TPRG1: variants seen among roughly 807,000 people sequenced by gnomAD.
The protein encoded by TPRG1 is tumor protein p63 regulated 1.
A neutral mutation model predicts 29.3 loss-of-function variants in TPRG1; 29 were observed. That is an observed-to-expected ratio of 0.99 (90% CI 0.74 to 1.35). The LOEUF (loss-of-function observed/expected upper bound fraction) is 1.35. Ranked by LOEUF, TPRG1 falls within the 40% of genes most tolerant of loss-of-function variation. The probability of loss-of-function intolerance (pLI) is 0.00; values close to 1 mark genes in which losing one functional copy is unlikely to be tolerated. For synonymous variants in TPRG1, 130 were observed against 116.8 expected (o/e 1.11, Z -0.73); for missense variants, 327 against 335.0 (o/e 0.98, Z 0.19).
chr3:189,133,638 C>T (rs781015132), intron 3 of TPRG1, among the ~76,000 whole-genome samples: 6 of 152,172 alleles, frequency 3.9e-5, no homozygotes, highest in Non-Finnish European at 8.8e-5. Context: ...CCTCTTCAGC[C>T]TTGTGGAACT....
chr3:189,030,398 A>G (rs377587224), intron 4 of TPRG1, among the ~76,000 whole-genome samples: 1 of 152,220 alleles, frequency 6.6e-6, no homozygotes, highest in African/African-American at 2.4e-5. Context: ...CCTTTCTCCA[A>G]TAAGTTTTAA....
intron 4 of TPRG1, among the ~76,000 whole-genome samples, chr3:189,049,696 A>T (rs1019043014): frequency 6.6e-6 from 1 of 152,200 alleles, no homozygotes; most frequent in African/African-American, 2.4e-5. Context: ...TAACCAGCAC[A>T]AAAATAGAGC....
At chr3:189,270,295 G>A (rs1431634837) in intron 4 of TPRG1, among the ~76,000 whole-genome samples, 1 of 152,094 alleles carries the variant, frequency 6.6e-6, no homozygotes, top group Admixed American at 6.5e-5. Flanking sequence ...TCTCATCCCG[G>A]CATTGAACTC....
At chr3:189,193,132 A>ATTTTTTTTTTT (rs555964454) in intron 1 of TPRG1, among the ~76,000 whole-genome samples, 54 of 90,236 alleles carry the variant, frequency 6.0e-4, no homozygotes, top group Non-Finnish European at 7.5e-4. Context: ...TTGACTTTTA[A>ATTTTTTTTTTT]TTTTTTTTTT....
chr3:189,162,904 C>T (rs7644865), intron 5 of TPRG1, among the ~76,000 whole-genome samples: 71,555 of 152,080 alleles, frequency 0.47, 17,610 homozygotes, highest in African/African-American at 0.61. Context: ...ACCGCAGTTT[C>T]TGGCACATGA....
intron 3 of TPRG1, among the ~76,000 whole-genome samples, chr3:189,221,651 G>A (rs1736954271): frequency 6.6e-6 from 1 of 152,172 alleles, no homozygotes; most frequent in South Asian, 2.1e-4. Context: ...AGAGCAGCCT[G>A]GGAGACAAAG....
chr3:189,090,433 GTTAA>G (rs747298659), intron 4 of TPRG1, among the ~76,000 whole-genome samples: 1 of 151,910 alleles, frequency 6.6e-6, no homozygotes, highest in Non-Finnish European at 1.5e-5. Flanking sequence ...AATATATATT[GTTAA>G]TTAAATTATT....
intron 1 of TPRG1, among the ~76,000 whole-genome samples, chr3:189,105,106 C>G (rs78278730): frequency 6.6e-6 from 1 of 152,232 alleles, no homozygotes; most frequent in African/African-American, 2.4e-5. Context: ...GTTTACAAAG[C>G]TCTCTACAAC....
chr3:189,312,122 T>C (rs1722658451), intron 5 of TPRG1, among the ~76,000 whole-genome samples: 4 of 29,630 alleles, frequency 1.3e-4, no homozygotes, highest in Admixed American at 5.7e-4. Context: ...TCTTTGTTTC[T>C]TTCTTTCTTT....
At position 189,324,575 on chromosome 3, in the gene TPRG1, A is replaced by G. The variant is rs1724570601; in HGVS notation, c.*3755A>G. ...TTTCCTATCTGATAAAAAAAGCCCA[A>G]ACAAAGCTGCGGAAGCTGGCAGAGC... is the stretch of plus-strand genomic sequence containing the variant. On this transcript the variant is annotated 3_prime_UTR_variant, in exon 6 of 6. Transcript: ENST00000345063. 6.6e-6 allele frequency: 1 copy of G among 152,180 alleles called. No homozygotes were observed. Among genetic ancestry groups the G allele is most frequent in the African/African-American group, 2.4e-5 (1 of 41,444 alleles). The allele number at this position is 152,180 out of a possible 1,614,324, so 9.4% of individuals were successfully genotyped here. A position where few individuals can be genotyped will look rare whatever the true frequency, so the allele number is the denominator to read the frequency against.
intron 3 of TPRG1, among the ~76,000 whole-genome samples, chr3:189,222,060 T>A (rs1279067325): frequency 6.6e-6 from 1 of 152,196 alleles, no homozygotes; most frequent in Non-Finnish European, 1.5e-5. Flanking sequence ...CTTTGTTGAT[T>A]GTCTTTTGTT....
chr3:189,185,556 C>A (rs1049096863), intron 1 of TPRG1, among the ~76,000 whole-genome samples: 8 of 151,640 alleles, frequency 5.3e-5, no homozygotes, highest in Non-Finnish European at 1.2e-4. Context: ...ATATTTACGA[C>A]ATTTTTTTTT....
intron 3 of TPRG1, among the ~76,000 whole-genome samples, chr3:189,235,020 G>T (rs1180243323): frequency 1.3e-5 from 2 of 152,066 alleles, no homozygotes; most frequent in African/African-American, 4.8e-5. Context: ...GTTGGAGGGG[G>T]CACAGTGAAT....
At chr3:189,064,900 A>G (rs1000126407) in intron 4 of TPRG1, among the ~76,000 whole-genome samples, 1 of 152,180 alleles carries the variant, frequency 6.6e-6, no homozygotes, top group Non-Finnish European at 1.5e-5. Context: ...TAATTAAGAA[A>G]TCTCAAGGTT....
intron 1 of TPRG1, among the ~76,000 whole-genome samples, chr3:189,106,709 T>C (rs902133299): frequency 3.3e-5 from 5 of 152,180 alleles, no homozygotes. Context: ...TCACACACTG[T>C]TTTTCTTCTT....
chr3:189,135,041 C>T (rs1723578159), intron 3 of TPRG1, among the ~76,000 whole-genome samples: 1 of 152,212 alleles, frequency 6.6e-6, no homozygotes, highest in South Asian at 2.1e-4. Context: ...TTTTAGTCTA[C>T]TTCCTTACAG....
At chr3:189,275,377 T>C (rs1406655450) in intron 4 of TPRG1, among the ~76,000 whole-genome samples, 1 of 152,192 alleles carries the variant, frequency 6.6e-6, no homozygotes, top group Non-Finnish European at 1.5e-5. Flanking sequence ...ACAGCTATAT[T>C]ATAAGGTGCA....
intron 5 of TPRG1, chr3:189,315,825 C>T (rs190887744): frequency 1.6e-4 from 27 of 172,590 alleles, no homozygotes; most frequent in South Asian, 7.0e-4. Context: ...CAGATACTTA[C>T]GGCGTAGGGG....
At chr3:189,258,186 G>C (rs546352154) in intron 4 of TPRG1, among the ~76,000 whole-genome samples, 1 of 151,576 alleles carries the variant, frequency 6.6e-6, no homozygotes, top group Non-Finnish European at 1.5e-5. Context: ...TGGAGTTTTT[G>C]TGTGGTCATC....
Sources: allele counts gnomAD v4.1 joint callset (sites outside exome capture counted in the v4.1 genomes callset), GRCh38; gene constraint gnomAD v4.1.1; transcripts MANE v1.5; gene names NCBI Gene and HGNC (gene_info 2026-07-23, HGNC 2026-07-21).